The following HMCN2 variants were observed in gnomAD, a reference collection of about 807,000 sequenced individuals.
The protein encoded by HMCN2 is hemicentin 2.
Under a neutral mutation model 377.5 loss-of-function variants are expected in HMCN2, and 325 were observed. The observed-to-expected ratio is 0.86, with a 90% CI of 0.79 to 0.94. The LOEUF is 0.94. HMCN2 is among the 40% of genes least tolerant of loss of function. The pLI is 0.00. For synonymous variants in HMCN2, 2,007 were observed against 2,046.8 expected (o/e 0.98, Z 0.53); for missense variants, 4,543 against 4,725.3 (o/e 0.96, Z 1.13).
At chr9:130,399,925 C>T (rs1022578494) in intron 76 of HMCN2, among the ~76,000 whole-genome samples, 2 of 152,236 alleles carry the variant, frequency 1.3e-5, no homozygotes, top group South Asian at 2.1e-4. Flanking sequence ...TCCACAGCTG[C>T]CCGCTGCCCC....
intron 22 of HMCN2, among the ~76,000 whole-genome samples, chr9:130,330,996 C>CACACACACAG (rs1838395345): frequency 6.6e-6 from 1 of 151,274 alleles, no homozygotes; most frequent in Non-Finnish European, 1.5e-5. Flanking sequence ...CACACACACA[C>CACACACACAG]ACACACACAC....
At chr9:130,318,330 C>T (rs1236283357) in intron 15 of HMCN2, among the ~76,000 whole-genome samples, 2 of 145,790 alleles carry the variant, frequency 1.4e-5, no homozygotes, top group African/African-American at 5.1e-5. Flanking sequence ...TCCATGGTAT[C>T]AGACTCAAAG....
rs893590749 is a variant in HMCN2, at chr9:130,379,498, G to A, written c.8431+31G>A. The A allele has an allele frequency of 5.2e-6, 5 of 953,238 alleles. No homozygotes were observed. In the African/African-American group the frequency reaches 7.1e-5, roughly 13 times the overall value. The allele number at this position is 953,238 out of a possible 1,614,324, so 59.0% of individuals were successfully genotyped here. The stretch of plus-strand genomic sequence containing the variant: ...TCAGGGGTGCGTGAAGAAAGTGGGC[G>A]CTTTGAGCTCTCCTGTGTGCTGCCT... On this transcript the variant is annotated intron_variant, in intron 54 of 97. Transcript: ENST00000683500.
At chr9:130,421,879 C>G (rs1001474142) in intron 86 of HMCN2, among the ~76,000 whole-genome samples, 4 of 152,244 alleles carry the variant, frequency 2.6e-5, no homozygotes, top group Non-Finnish European at 5.9e-5. Context: ...CAATTTGTTG[C>G]TAATTTCCCC....
At position 130,418,757 on chromosome 9, in the gene HMCN2, C is replaced by G; in HGVS notation, c.12962-15C>G. On this transcript the variant is annotated splice_polypyrimidine_tract_variant and intron_variant, in intron 85 of 97. Transcript: ENST00000683500. ...ATAATTAAATGTTCCTAAAAGCCAC[C>G]TGGGCCTCCCACAGGTGCTCCGGTG... is the stretch of plus-strand genomic sequence containing the variant. 3 of 1,393,536 alleles carry G rather than the reference C, an allele frequency of 2.2e-6. No individual in the cohort carries two copies. The highest frequency in any genetic ancestry group is 2.8e-6 in the Non-Finnish European group (3 of 1,065,072). 86.3% of individuals were successfully genotyped at this position (1,393,536 alleles called of 1,614,324 possible).
chr9:130,363,563 T>G (rs1242363507), intron 40 of HMCN2, among the ~76,000 whole-genome samples: 1 of 152,132 alleles, frequency 6.6e-6, no homozygotes, highest in Admixed American at 6.6e-5. Flanking sequence ...GGCTCACGCC[T>G]GTAATCCCAG....
chr9:130,383,778 C>A (rs958454897), intron 57 of HMCN2, among the ~76,000 whole-genome samples, 178 bp downstream of exon 57: 2 of 152,212 alleles, frequency 1.3e-5, no homozygotes, highest in African/African-American at 4.8e-5. Context: ...ACTACTGGGC[C>A]AACCCCAGGT....
chr9:130,410,796 C>T, intron 85 of HMCN2, 144 bp downstream of exon 85: 1 of 744,342 alleles, frequency 1.3e-6, no homozygotes. Context: ...TGAATCCTAC[C>T]AAATGTTTCC....
Position 130,422,576 on chromosome 9 carries a change from G to T in HMCN2, c.13232-1G>T. 7.6e-7 allele frequency: 1 copy of T among 1,315,700 alleles called. No individual in the cohort carries two copies. 81.5% of individuals were successfully genotyped at this position (1,315,700 alleles called of 1,614,324 possible). ...ACTGTCATTCTTTCCCTTCCTTACA[G>T]GGGAGCCCCAGGGGAGCTGGGGCAG... On this transcript the variant is annotated splice_acceptor_variant, in intron 86 of 97. Coordinates refer to ENST00000683500, the MANE Select transcript of HMCN2 (RefSeq NM_001291815.2). LOFTEE classifies it high-confidence loss of function. The surrounding 1 kb of genome is among the most constrained non-coding windows in gnomAD (Gnocchi z 4.2).
chr9:130,338,879 AT>A (rs1257936319), intron 23 of HMCN2, among the ~76,000 whole-genome samples: 2 of 152,220 alleles, frequency 1.3e-5, no homozygotes, highest in Non-Finnish European at 2.9e-5. Flanking sequence ...GATATTTCAA[AT>A]TTATCTGAAA....
chr9:130,405,872 A>G, intron 81 of HMCN2, 83 bp from the exon 82 acceptor site: 1 of 1,047,624 alleles, frequency 9.5e-7, no homozygotes, highest in South Asian at 1.5e-5. Context: ...TGGATGCTCC[A>G]TGAGAACCTT....
intron 15 of HMCN2, among the ~76,000 whole-genome samples, chr9:130,317,986 C>T (rs1418109579): frequency 1.3e-5 from 2 of 151,930 alleles, no homozygotes; most frequent in Admixed American, 6.6e-5. Flanking sequence ...TGTTCTGCTC[C>T]AGGTAGGTGA....
intron 15 of HMCN2, among the ~76,000 whole-genome samples, chr9:130,317,337 C>T (rs929950878): frequency 3.3e-5 from 5 of 152,066 alleles, no homozygotes; most frequent in African/African-American, 7.2e-5. Context: ...ATTATGGTTA[C>T]AATAAGTGCT....
At chr9:130,399,719 T>C in intron 76 of HMCN2, 87 bp downstream of exon 76, 1 of 1,027,954 alleles carries the variant, frequency 9.7e-7, no homozygotes, top group Non-Finnish European at 1.3e-6. Context: ...AGCAGGGAAT[T>C]GTGTGGCTTT....
In HMCN2 at chr9:130,433,489, C is replaced by G; in HGVS notation, c.15036C>G (p.Pro5012=). ...CCGCCTTCTCCGAGGTCGGCGTCCC[C>G]GCCAACCGCACCGAGCTCAGCATGC... ...RLTAFSEVGV[P]ANRTELSMLE... is the part of the protein sequence containing the mutation. Residue 5012 remains proline, a synonymous_variant, in exon 98 of 98, where the codon CCC becomes CCG. Coordinates refer to ENST00000683500, the MANE Select transcript of HMCN2 (RefSeq NM_001291815.2). 1.3e-6 allele frequency: 2 copies of G among 1,499,858 alleles called. No homozygotes were observed. Among genetic ancestry groups the G allele is most frequent in the Non-Finnish European group, 1.8e-6 (2 of 1,132,282 alleles). The allele number at this position is 1,499,858 out of a possible 1,614,324, so 92.9% of individuals were successfully genotyped here.
intron 31 of HMCN2, among the ~76,000 whole-genome samples, 157 bp from the exon 32 acceptor site, chr9:130,354,606 G>A (rs1588294693): frequency 6.6e-6 from 1 of 152,144 alleles, no homozygotes; most frequent in Non-Finnish European, 1.5e-5. Flanking sequence ...ATGCTGCCCC[G>A]GGGTCTGAGC....
chr9:130,411,557 G>A (rs1286740865), intron 85 of HMCN2, among the ~76,000 whole-genome samples: 1 of 134,300 alleles, frequency 7.4e-6, no homozygotes, highest in Non-Finnish European at 1.5e-5. Context: ...CCAAGATCGT[G>A]CCATCGCACT....
chr9:130,382,317 G>A lies in HMCN2; in HGVS notation c.8545+20G>A. 1.0e-6 allele frequency: 1 copy of A among 976,940 alleles called. No homozygotes were observed. Among genetic ancestry groups the A allele is most frequent in the Non-Finnish European group, 1.2e-6 (1 of 821,764 alleles). The allele number at this position is 976,940 out of a possible 1,614,324, so 60.5% of individuals were successfully genotyped here. ...TGCTGAGTGAGTGGCGGGGCCTGCA[G>A]GTGGGGATTCCCGGGACTGCAAGCG... On this transcript the variant is annotated intron_variant, in intron 55 of 97. Coordinates refer to ENST00000683500, the MANE Select transcript of HMCN2 (RefSeq NM_001291815.2).
At chr9:130,311,148 G>C (rs1837220940) in intron 15 of HMCN2, among the ~76,000 whole-genome samples, 1 of 152,238 alleles carries the variant, frequency 6.6e-6, no homozygotes, top group Admixed American at 6.5e-5. Flanking sequence ...ATCAGGCTCT[G>C]AGTGTTTGCC....
Sources: allele counts gnomAD v4.1 joint callset (sites outside exome capture counted in the v4.1 genomes callset), GRCh38; gene constraint gnomAD v4.1.1; non-coding constraint Gnocchi (gnomAD v3.1); transcripts MANE v1.5; gene names NCBI Gene and HGNC (gene_info 2026-07-23, HGNC 2026-07-21).